SCAPER: variants seen among roughly 807,000 people sequenced by gnomAD.
The protein encoded by SCAPER is S phase cyclin A-associated protein in the endoplasmic reticulum.
In SCAPER, 98 loss-of-function variants were observed where a neutral mutation model predicts 182.2. That is an observed-to-expected ratio of 0.54 (90% CI 0.46 to 0.64). SCAPER has a LOEUF of 0.64. SCAPER is among the 30% of genes least tolerant of loss of function. The pLI is 0.00. For missense variants in SCAPER, 1,432 were observed against 1,690.0 expected (o/e 0.85, Z 2.68); for synonymous variants, 605 against 564.6 (o/e 1.07, Z -1.01).
chr15:76,399,876 G>A (rs1223052818), intron 27 of SCAPER, among the ~76,000 whole-genome samples: 1 of 152,024 alleles, frequency 6.6e-6, no homozygotes, highest in Non-Finnish European at 1.5e-5. Flanking sequence ...ATGGTGGCAA[G>A]CGCCTGTAAT....
intron 25 of SCAPER, among the ~76,000 whole-genome samples, chr15:76,463,663 C>T (rs2049362056): frequency 6.6e-6 from 1 of 152,030 alleles, no homozygotes; most frequent in South Asian, 2.1e-4. Flanking sequence ...TTTTAAAATG[C>T]AATGAAACAT....
intron 20 of SCAPER, among the ~76,000 whole-genome samples, chr15:76,687,699 T>C (rs1376031503): frequency 6.6e-6 from 1 of 152,226 alleles, no homozygotes; most frequent in Non-Finnish European, 1.5e-5. Context: ...TGTTTGGTTT[T>C]CTGTTCTTGT....
chr15:76,538,541 GAACATCACACTCT>G (rs2044414568), intron 23 of SCAPER, among the ~76,000 whole-genome samples: 1 of 152,068 alleles, frequency 6.6e-6, no homozygotes, highest in South Asian at 2.1e-4. Flanking sequence ...ACAGGAAGGG[GAACATCACACTCT>G]GTGGACTGTT....
intron 23 of SCAPER, among the ~76,000 whole-genome samples, chr15:76,524,689 G>GTTTGTTTTTTT (rs2043058673): frequency 2.0e-5 from 1 of 50,114 alleles, no homozygotes; most frequent in African/African-American, 8.3e-5. Context: ...TTTTTGTTCT[G>GTTTGTTTTTTT]TTTTTTTTTT....
intron 4 of SCAPER, among the ~76,000 whole-genome samples, chr15:76,846,194 A>C (rs1025269913): frequency 2.0e-5 from 3 of 152,180 alleles, no homozygotes; most frequent in African/African-American, 7.2e-5. Flanking sequence ...ACCTCAAATC[A>C]AAATGGATCA....
At chr15:76,432,326 C>T (rs1335056719) in intron 26 of SCAPER, among the ~76,000 whole-genome samples, 1 of 152,164 alleles carries the variant, frequency 6.6e-6, no homozygotes, top group African/African-American at 2.4e-5. Context: ...CTGGTGCTCT[C>T]CAGTAATAAA....
intron 17 of SCAPER, among the ~76,000 whole-genome samples, chr15:76,709,969 T>C (rs1043584139): frequency 1.3e-5 from 2 of 152,214 alleles, no homozygotes; most frequent in African/African-American, 4.8e-5. Flanking sequence ...AGTCCATTCA[T>C]GTTAAAGGCT....
At chr15:76,878,140 A>C (rs1459741217) in intron 2 of SCAPER, among the ~76,000 whole-genome samples, 1 of 152,164 alleles carries the variant, frequency 6.6e-6, no homozygotes, top group Non-Finnish European at 1.5e-5. Flanking sequence ...GAAAGAATAA[A>C]ACTAATGGGG....
chr15:76,769,290 A>G (rs1426353859), intron 10 of SCAPER, among the ~76,000 whole-genome samples: 3 of 151,096 alleles, frequency 2.0e-5, no homozygotes, highest in South Asian at 2.1e-4. Flanking sequence ...AAAAATACAA[A>G]AAATTAGCCA....
chr15:76,572,900 C>T (rs2047531237), intron 23 of SCAPER, among the ~76,000 whole-genome samples: 4 of 59,586 alleles, frequency 6.7e-5, no homozygotes, highest in Non-Finnish European at 4.0e-5. Flanking sequence ...CTCTCTCTCT[C>T]TCTCTCTCTC....
At chr15:76,400,308 A>C (rs2044370892) in intron 27 of SCAPER, among the ~76,000 whole-genome samples, 1 of 152,244 alleles carries the variant, frequency 6.6e-6, no homozygotes, top group Admixed American at 6.5e-5. Context: ...GGTTCTGGCT[A>C]GCTTCTGGTA....
At chr15:76,788,978 T>C (rs2064817353) in intron 8 of SCAPER, among the ~76,000 whole-genome samples, 1 of 152,192 alleles carries the variant, frequency 6.6e-6, no homozygotes. Context: ...TCTGACATTC[T>C]TTTTTCAATC....
At chr15:76,458,216 A>G (rs1380366169) in intron 25 of SCAPER, among the ~76,000 whole-genome samples, 1 of 152,028 alleles carries the variant, frequency 6.6e-6, no homozygotes, top group Non-Finnish European at 1.5e-5. Flanking sequence ...TTATAGATAT[A>G]TATACACACA....
At chr15:76,545,417 G>C (rs908988445) in intron 23 of SCAPER, among the ~76,000 whole-genome samples, 1 of 152,164 alleles carries the variant, frequency 6.6e-6, no homozygotes, top group African/African-American at 2.4e-5. Context: ...TTGCTACTGG[G>C]CTGCCTTATA....
At chr15:76,450,905 A>G (rs1045818336) in intron 25 of SCAPER, among the ~76,000 whole-genome samples, 5 of 152,214 alleles carry the variant, frequency 3.3e-5, no homozygotes, top group African/African-American at 1.2e-4. Flanking sequence ...ACCCATTTGA[A>G]GTGTACACTT....
chr15:76,386,999 A>G (rs2043333450), intron 27 of SCAPER, among the ~76,000 whole-genome samples: 1 of 152,228 alleles, frequency 6.6e-6, no homozygotes, highest in Non-Finnish European at 1.5e-5. Flanking sequence ...AGGAAGACCA[A>G]CTAGGAGGCT....
At chr15:76,627,979 A>T (rs2052742637) in intron 21 of SCAPER, among the ~76,000 whole-genome samples, 1 of 152,146 alleles carries the variant, frequency 6.6e-6, no homozygotes, top group South Asian at 2.1e-4. Context: ...AATAATTGCC[A>T]TTCTGACCGG....
intron 2 of SCAPER, among the ~76,000 whole-genome samples, chr15:76,868,132 T>C (rs999287531): frequency 2.0e-5 from 3 of 152,230 alleles, no homozygotes; most frequent in East Asian, 1.9e-4. Flanking sequence ...AAACTACTAA[T>C]CTGTTGGTTC....
intron 21 of SCAPER, among the ~76,000 whole-genome samples, chr15:76,636,406 A>G (rs2053605362): frequency 6.6e-6 from 1 of 151,820 alleles, no homozygotes. Context: ...GTTGACCCCA[A>G]CTGTTCTCCC....
Sources: allele counts gnomAD v4.1 joint callset (sites outside exome capture counted in the v4.1 genomes callset), GRCh38; gene constraint gnomAD v4.1.1; transcripts MANE v1.5; gene names NCBI Gene and HGNC (gene_info 2026-07-23, HGNC 2026-07-21).